The following PPP2R2B variants were observed in gnomAD, a reference collection of about 807,000 sequenced individuals.
PPP2R2B encodes serine/threonine-protein phosphatase 2A 55 kDa regulatory subunit B beta isoform.
PPP2R2B carries 5 observed loss-of-function variants against 46.0 expected under a neutral mutation model. The ratio of observed to expected loss-of-function variants is 0.11; its 90% CI spans 0.06 to 0.23. The LOEUF is 0.23. PPP2R2B is among the 10% of genes least tolerant of loss of function. The pLI, the probability that PPP2R2B is intolerant of heterozygous loss-of-function variation, is 1.00. For missense variants in PPP2R2B, 367 were observed against 575.0 expected (o/e 0.64, Z 3.70); for synonymous variants, 215 against 206.7 (o/e 1.04, Z -0.34).
chr5:146,878,155 G>T lies in PPP2R2B; in HGVS notation c.-84C>A, dbSNP rs766675779. 4.4e-6 allele frequency: 7 copies of T among 1,607,004 alleles called. No homozygotes were observed. The highest frequency in any genetic ancestry group is 1.7e-5 in the Admixed American group (1 of 58,704). ...TCCCCGCAGCCAGTCTCACAGGAGA[G>T]GGGGGCAGGGGAGCCAGTGGGACTG... On this transcript the variant is annotated 5_prime_UTR_variant, in exon 2 of 10. Coordinates refer to ENST00000394411, the MANE Select transcript of PPP2R2B (RefSeq NM_181675.4). This position sits in a 1 kb window ranked among gnomAD's most constrained non-coding sequence, Gnocchi z 4.5.
intron 1 of PPP2R2B, among the ~76,000 whole-genome samples, chr5:146,953,595 G>T (rs1306898604): frequency 6.6e-6 from 1 of 152,098 alleles, no homozygotes; most frequent in Non-Finnish European, 1.5e-5. Flanking sequence ...AACTGAATTT[G>T]CTAAATTATC....
intron 2 of PPP2R2B, among the ~76,000 whole-genome samples, chr5:146,764,887 G>C (rs770066248): frequency 6.6e-6 from 1 of 151,920 alleles, no homozygotes; most frequent in Non-Finnish European, 1.5e-5. Context: ...CCATCCTAGT[G>C]GATCTTCCTA....
chr5:146,996,104 G>A (rs901001290), intron 1 of PPP2R2B, among the ~76,000 whole-genome samples: 1 of 152,168 alleles, frequency 6.6e-6, no homozygotes, highest in African/African-American at 2.4e-5. Flanking sequence ...AGGACAGTAG[G>A]ATGTGTGTAC....
chr5:146,799,203 A>G (rs1346469235), intron 2 of PPP2R2B, among the ~76,000 whole-genome samples: 1 of 152,232 alleles, frequency 6.6e-6, no homozygotes, highest in East Asian at 1.9e-4. Flanking sequence ...AGCGATGAAC[A>G]TATTTCTCCT....
At position 146,691,148 on chromosome 5, in the gene PPP2R2B, C is replaced by T. The variant is rs1561836107; in HGVS notation, c.427G>A (p.Ala143Thr). 6.2e-7 allele frequency: 1 copy of T among 1,614,038 alleles called. No homozygotes were observed. The highest frequency in any genetic ancestry group is 8.5e-7 in the Non-Finnish European group (1 of 1,179,986). The change falls in exon 5 of 10, where the codon GCC becomes ACC. Residue 143 changes from alanine (A) to threonine (T), a missense_variant. Around this residue, in one of 2 missense-constraint regions of PPP2R2B, gnomAD observed 361 missense variants for 545.5 expected, o/e 0.66. Coordinates refer to ENST00000394411, the MANE Select transcript of PPP2R2B (RefSeq NM_181675.4). ...KDEEGRLRDP[A>T]TITTLRVPVL... ...CTCACCCGCAGGGTTGTGATGGTGG[C>T]AGGATCCCGGAGCCGGCCCTCCTCA...
At chr5:147,071,247 T>C (rs1757585583) in intron 2 of PPP2R2B, among the ~76,000 whole-genome samples, 2 of 152,154 alleles carry the variant, frequency 1.3e-5, no homozygotes, top group Non-Finnish European at 2.9e-5. Context: ...GTGCTTCACC[T>C]AGGGAATTTA....
intron 2 of PPP2R2B, among the ~76,000 whole-genome samples, chr5:146,713,031 A>C (rs1780295287): frequency 6.6e-6 from 1 of 152,250 alleles, no homozygotes; most frequent in Non-Finnish European, 1.5e-5. Flanking sequence ...TCATCAATGA[A>C]CATATTAAAT....
intron 3 of PPP2R2B, among the ~76,000 whole-genome samples, chr5:146,698,748 C>CTTTT (rs3217532): frequency 7.0e-6 from 1 of 143,174 alleles, no homozygotes. Flanking sequence ...GCCCCTGCTC[C>CTTTT]TTTTTTTTTT....
chr5:146,996,356 A>G (rs1015677690), intron 1 of PPP2R2B, among the ~76,000 whole-genome samples: 1 of 152,134 alleles, frequency 6.6e-6, no homozygotes, highest in African/African-American at 2.4e-5. Context: ...TGTAGGGTAT[A>G]ATTAGATAAT....
intron 2 of PPP2R2B, among the ~76,000 whole-genome samples, chr5:146,808,414 C>T (rs1164805072): frequency 6.6e-6 from 1 of 152,194 alleles, no homozygotes; most frequent in Non-Finnish European, 1.5e-5. Flanking sequence ...CACTCTATCA[C>T]TGGCCTTGTT....
In PPP2R2B at chr5:146,649,532, C is replaced by T. The variant is rs184460994; in HGVS notation, c.625+1015G>A. On this transcript the variant is annotated intron_variant, in intron 6 of 9. Coordinates refer to ENST00000394411, the MANE Select transcript of PPP2R2B (RefSeq NM_181675.4). ...CGATCTCGGCTTACTGCAACCTCTG[C>T]CTCCTCAGTTCAAGCGATTCTCCTG... Among the ~76,000 whole-genome samples the T allele has an allele frequency of 7.9e-3, 1,196 of 151,840 alleles. 8 individuals carry two copies. Among genetic ancestry groups the T allele is most frequent in the Admixed American group, 0.012 (178 of 15,262 alleles).
intron 6 of PPP2R2B, among the ~76,000 whole-genome samples, chr5:146,641,655 T>C: frequency 6.6e-6 from 1 of 152,188 alleles, no homozygotes; most frequent in South Asian, 2.1e-4. Context: ...CTTATGGGGA[T>C]GATGGGAGAG....
At chr5:146,740,015 ATATT>A (rs1752769900) in intron 2 of PPP2R2B, among the ~76,000 whole-genome samples, 1 of 152,196 alleles carries the variant, frequency 6.6e-6, no homozygotes, top group Non-Finnish European at 1.5e-5. Context: ...TAGGAGTGAG[ATATT>A]ATCATTTTCA....
intron 2 of PPP2R2B, among the ~76,000 whole-genome samples, chr5:146,795,981 A>T (rs185465145): frequency 1.8e-4 from 28 of 152,268 alleles, no homozygotes; most frequent in Middle Eastern, 6.8e-3. Flanking sequence ...ACATGCCTGC[A>T]TATAGACTAT....
chr5:146,942,902 A>C (rs1468208090), intron 1 of PPP2R2B, among the ~76,000 whole-genome samples: 1 of 151,708 alleles, frequency 6.6e-6, no homozygotes, highest in Non-Finnish European at 1.5e-5. Flanking sequence ...GGTTCACACC[A>C]TTCTACTGCC....
rs183471957 is a variant in PPP2R2B, at chr5:146,813,094, T to C, written c.70+64908A>G. 1.1e-3 allele frequency among the ~76,000 whole-genome samples: 173 copies of C among 151,134 alleles called. 4 individuals carry two copies. In the Middle Eastern group the frequency reaches 0.058, roughly 51 times the overall value. On this transcript the variant is annotated intron_variant, in intron 2 of 9. Transcript: ENST00000394411. ...ATCATCCAGCCAGGACATATATATA[T>C]CTACATATACATATACTATGAATGA...
chr5:146,976,368 C>T (rs1324486997), intron 1 of PPP2R2B, among the ~76,000 whole-genome samples: 2 of 151,970 alleles, frequency 1.3e-5, no homozygotes, highest in Non-Finnish European at 2.9e-5. Flanking sequence ...AACTCCTGGC[C>T]TCAAGTGATC....
intron 1 of PPP2R2B, among the ~76,000 whole-genome samples, chr5:146,923,242 T>C (rs185697140): frequency 7.4e-4 from 113 of 152,274 alleles, no homozygotes; most frequent in Admixed American, 3.2e-3. Context: ...TACTCTTCTT[T>C]TTCCAGAAAA....
chr5:146,635,835 T>C (rs1017231177), intron 7 of PPP2R2B, among the ~76,000 whole-genome samples: 3 of 152,232 alleles, frequency 2.0e-5, no homozygotes, highest in African/African-American at 7.2e-5. Context: ...TGTCAGGGGT[T>C]CATATAATGT....
Sources: gnomAD v4.1 joint callset for allele counts (sites outside exome capture counted in the v4.1 genomes callset) on GRCh38, gnomAD v4.1.1 for gene constraint, gnomAD v4.1.1 regional missense constraint, Gnocchi (gnomAD v3.1) non-coding constraint, MANE v1.5 for transcripts, NCBI Gene and HGNC (gene_info 2026-07-23, HGNC 2026-07-21) for gene names.